SEPTIN2: variants seen among roughly 807,000 people sequenced by gnomAD.
The protein encoded by SEPTIN2 is septin 2.
Under a neutral mutation model 46.5 loss-of-function variants are expected in SEPTIN2, and 34 were observed. That is an observed-to-expected ratio of 0.73 (90% CI 0.56 to 0.97). SEPTIN2 has a LOEUF of 0.97. Among genes scored for constraint, SEPTIN2 ranks in the 50% least tolerant of loss-of-function variants. SEPTIN2 has a pLI of 0.00. For synonymous variants in SEPTIN2, 175 were observed against 153.4 expected (o/e 1.14, Z -1.04); for missense variants, 347 against 448.4 (o/e 0.77, Z 2.04).
chr2:241,343,465 C>T (rs1212839594), intron 8 of SEPTIN2, among the ~76,000 whole-genome samples: 2 of 151,652 alleles, frequency 1.3e-5, no homozygotes, highest in Non-Finnish European at 2.9e-5. Flanking sequence ...CGCCTCTGCA[C>T]TCTAGCCTGG....
chr2:241,338,011 T>C, intron 7 of SEPTIN2, among the ~76,000 whole-genome samples: 1 of 152,204 alleles, frequency 6.6e-6, no homozygotes, highest in East Asian at 1.9e-4. Context: ...TAAATTCTCC[T>C]TATATTTAAA....
intron 1 of SEPTIN2, among the ~76,000 whole-genome samples, chr2:241,317,256 T>C (rs760965245): frequency 1.4e-4 from 22 of 152,234 alleles, no homozygotes; most frequent in Non-Finnish European, 2.6e-4. Context: ...TGTACTGTTA[T>C]GTATAATCTT....
chr2:241,333,299 T>G (rs1341151812), intron 3 of SEPTIN2, among the ~76,000 whole-genome samples: 1 of 152,176 alleles, frequency 6.6e-6, no homozygotes, highest in Non-Finnish European at 1.5e-5. Flanking sequence ...AAGGCAGTTT[T>G]TAAAATTTTG....
Position 241,326,109 on chromosome 2 carries a change from G to C in SEPTIN2, c.126G>C (p.Val42=), listed in dbSNP as rs1275899637. 1.2e-6 allele frequency: 2 copies of C among 1,609,870 alleles called. No individual in the cohort carries two copies. The highest frequency in any genetic ancestry group is 2.7e-5 in the African/African-American group (2 of 74,674). ...AAGGTTTTGAGTTCACACTGATGGT[G>C]GTCGGTAAGAAATTAATCTATAGTC... ...VKKGFEFTLM[V]VGESGLGKST... The change falls in exon 3 of 13, where the codon GTG becomes GTC. Residue 42 remains valine (V), a synonymous_variant. Coordinates refer to ENST00000391971, the MANE Select transcript of SEPTIN2 (RefSeq NM_004404.5).
At chr2:241,346,969 C>G (rs1443654767) in intron 10 of SEPTIN2, among the ~76,000 whole-genome samples, 2 of 152,170 alleles carry the variant, frequency 1.3e-5, no homozygotes, top group African/African-American at 4.8e-5. Context: ...CCTCACTCAC[C>G]TTTTCTTTTT....
rs1559621833 is a variant in SEPTIN2 at position 241,332,382 on chromosome 2, TAAGGAAGA to T, written c.131-2743_131-2736del. ...CAAAAGATCTGAATAGACATTTCAC[TAAGGAAGA>T]TAAACAAATAGCCAATAAACCCACA... On this transcript the variant is annotated intron_variant, in intron 3 of 12. Coordinates refer to ENST00000391971, the MANE Select transcript of SEPTIN2 (RefSeq NM_004404.5). Among the ~76,000 whole-genome samples the T allele has an allele frequency of 2.0e-5, 3 of 152,294 alleles. No homozygotes were observed. The South Asian group carries it at 6.2e-4, about 32-fold the overall frequency.
rs1033619316 is a variant in SEPTIN2 at position 241,353,339 on chromosome 2, G to A, written c.*1402G>A. On this transcript the variant is annotated 3_prime_UTR_variant, in exon 13 of 13. Coordinates refer to ENST00000391971, the MANE Select transcript of SEPTIN2 (RefSeq NM_004404.5). ...GTGTCTCCTTATGGTACACTCCAGC[G>A]GTTGCCTTTTTTATCATTTCTACTG... The A allele has an allele frequency of 1.3e-5, 2 of 152,088 alleles. No individual in the cohort carries two copies. Among genetic ancestry groups the A allele is most frequent in the Non-Finnish European group, 2.9e-5 (2 of 68,032 alleles). The allele number at this position is 152,088 out of a possible 1,614,324, so 9.4% of individuals were successfully genotyped here.
intron 11 of SEPTIN2, among the ~76,000 whole-genome samples, chr2:241,348,896 CAAAA>C (rs1231145949): frequency 1.3e-5 from 2 of 152,060 alleles, no homozygotes; most frequent in Admixed American, 6.5e-5. Context: ...CTTTTGGAAA[CAAAA>C]AGAAAATACT....
Position 241,324,136 on chromosome 2 carries a change from C to A in SEPTIN2, c.-17-80C>A. ...TGTGTAAGTCTTCTTCAGGTCAGTT[C>A]ACGCTGTTAAATATACGTGCGTATA... On this transcript the variant is annotated intron_variant, in intron 1 of 12. Coordinates refer to ENST00000391971, the MANE Select transcript of SEPTIN2 (RefSeq NM_004404.5). The A allele has an allele frequency of 3.8e-6, 5 of 1,326,736 alleles. No homozygotes were observed. The South Asian group carries it at 3.8e-5, about 10-fold the overall frequency. The allele number at this position is 1,326,736 out of a possible 1,614,324, so 82.2% of individuals were successfully genotyped here.
intron 7 of SEPTIN2, among the ~76,000 whole-genome samples, chr2:241,338,974 A>AG (rs2080840308): frequency 2.8e-5 from 3 of 107,506 alleles, no homozygotes; most frequent in Non-Finnish European, 5.2e-5. Context: ...TATAAATATA[A>AG]TATATAAATA....
At chr2:241,341,141 G>A (rs2150124335) in intron 7 of SEPTIN2, among the ~76,000 whole-genome samples, 1 of 152,280 alleles carries the variant, frequency 6.6e-6, no homozygotes, top group African/African-American at 2.4e-5. Context: ...ATCCCTGAAG[G>A]TCAGTATTCC....
chr2:241,340,040 G>A (rs2081046562), intron 7 of SEPTIN2, among the ~76,000 whole-genome samples: 1 of 152,308 alleles, frequency 6.6e-6, no homozygotes, highest in Admixed American at 6.5e-5. Flanking sequence ...TGAGCCAAAC[G>A]AATTCTTAGG....
At chr2:241,338,730 ATATT>A (rs1411189415) in intron 7 of SEPTIN2, among the ~76,000 whole-genome samples, 47 of 103,294 alleles carry the variant, frequency 4.6e-4, no homozygotes, top group Non-Finnish European at 7.7e-4. Flanking sequence ...TATATTATAT[ATATT>A]ATATTATTTA....
At chr2:241,333,210 A>G (rs1462416572) in intron 3 of SEPTIN2, among the ~76,000 whole-genome samples, 4 of 152,214 alleles carry the variant, frequency 2.6e-5, no homozygotes, top group Admixed American at 2.0e-4. Context: ...AAATTGTAGT[A>G]TTAATAGCTC....
At chr2:241,341,730 A>G (rs1041626945) in intron 7 of SEPTIN2, among the ~76,000 whole-genome samples, 4 of 152,214 alleles carry the variant, frequency 2.6e-5, no homozygotes, top group Admixed American at 2.0e-4. Flanking sequence ...TTTAGGTCAC[A>G]TTAAGGCTTT....
intron 1 of SEPTIN2, chr2:241,317,689 A>G (rs1171318858): frequency 2.7e-6 from 1 of 364,722 alleles, no homozygotes; most frequent in Non-Finnish European, 3.8e-6. Context: ...ATGTGGGTAT[A>G]CTGAACGTGG....
In SEPTIN2 at chr2:241,352,605, G is replaced by A. The variant is rs2060869568; in HGVS notation, c.*668G>A. The A allele has an allele frequency of 1.3e-5, 2 of 152,402 alleles. No individual in the cohort carries two copies. Among genetic ancestry groups the A allele is most frequent in the African/African-American group, 2.4e-5 (1 of 41,444 alleles). 9.4% of individuals were successfully genotyped at this position (152,402 alleles called of 1,614,324 possible). ...AGCTTTTTTAGAGGTGAGTTTTAAA[G>A]AAGTCTCTTAATTCTGATGCTAGGT... is the stretch of plus-strand genomic sequence containing the variant. On this transcript the variant is annotated 3_prime_UTR_variant, in exon 13 of 13. Coordinates refer to ENST00000391971, the MANE Select transcript of SEPTIN2 (RefSeq NM_004404.5).
intron 4 of SEPTIN2, chr2:241,335,449 A>T: frequency 9.2e-7 from 1 of 1,091,812 alleles, no homozygotes; most frequent in African/African-American, 1.6e-5. Context: ...TGTAAAATGT[A>T]ATAAGTAGTT....
chr2:241,336,060 T>C lies in SEPTIN2; in HGVS notation c.303T>C (p.Asp101=). The C allele has an allele frequency of 1.2e-6, 2 of 1,614,194 alleles. No individual in the cohort carries two copies. The highest frequency in any genetic ancestry group is 1.7e-6 in the Non-Finnish European group (2 of 1,180,018). Residue 101 remains aspartate (D), a synonymous_variant, in exon 5 of 13, where the codon GAT becomes GAC. Coordinates refer to ENST00000391971, the MANE Select transcript of SEPTIN2 (RefSeq NM_004404.5). The part of the protein sequence containing the change: ...RGVKLRLTVV[D]TPGYGDAINC... ...TCAAGCTACGCCTGACAGTGGTAGA[T>C]ACCCCTGGCTATGGTGACGCTATCA...
Sources: gnomAD v4.1 joint callset for allele counts (sites outside exome capture counted in the v4.1 genomes callset) on GRCh38, gnomAD v4.1.1 for gene constraint, MANE v1.5 for transcripts, NCBI Gene and HGNC (gene_info 2026-07-23, HGNC 2026-07-21) for gene names.